MGMT: variants seen among roughly 807,000 people sequenced by gnomAD.
The protein encoded by MGMT is methylated-DNA--protein-cysteine methyltransferase.
A neutral mutation model predicts 15.9 loss-of-function variants in MGMT; 14 were observed. That is an observed-to-expected ratio of 0.88 (90% CI 0.58 to 1.37). The LOEUF (loss-of-function observed/expected upper bound fraction) is 1.37. Ranked by LOEUF, MGMT falls within the 40% of genes most tolerant of loss-of-function variation. MGMT has a pLI of 0.00. For synonymous variants in MGMT, 130 were observed against 118.2 expected (o/e 1.10, Z -0.65); for missense variants, 282 against 268.1 (o/e 1.05, Z -0.36).
chr10:129,612,727 G>A (rs1208628958), intron 2 of MGMT, among the ~76,000 whole-genome samples: 2 of 152,216 alleles, frequency 1.3e-5, no homozygotes, highest in Non-Finnish European at 2.9e-5. Context: ...CTGTTTGATA[G>A]GATGTTACAG....
chr10:129,555,937 G>C (rs1470113494), intron 2 of MGMT, among the ~76,000 whole-genome samples: 1 of 152,108 alleles, frequency 6.6e-6, no homozygotes, highest in Non-Finnish European at 1.5e-5. Context: ...AACCCTGCAG[G>C]CATTCGGAGA....
intron 2 of MGMT, among the ~76,000 whole-genome samples, chr10:129,602,231 TTAATAG>T (rs750791393): frequency 4.7e-4 from 71 of 152,270 alleles, no homozygotes; most frequent in African/African-American, 1.5e-3. Flanking sequence ...GTACAAAATT[TTAATAG>T]TAATAGTGAT....
intron 2 of MGMT, among the ~76,000 whole-genome samples, chr10:129,704,166 T>G (rs1191890736): frequency 6.6e-6 from 1 of 152,032 alleles, no homozygotes. Flanking sequence ...TGAAGGTGTG[T>G]CTCTGAAATT....
intron 1 of MGMT, among the ~76,000 whole-genome samples, chr10:129,500,250 C>T (rs557425453): frequency 3.3e-5 from 5 of 152,316 alleles, no homozygotes; most frequent in East Asian, 3.9e-4. Context: ...GGTTTCCTAC[C>T]GTAGAAGCGT....
intron 3 of MGMT, among the ~76,000 whole-genome samples, chr10:129,728,043 A>C (rs1044317061): frequency 3.3e-5 from 5 of 152,148 alleles, no homozygotes; most frequent in Admixed American, 2.6e-4. Context: ...ACTGGGGGAC[A>C]GTGAGGAGCT....
chr10:129,699,903 C>T (rs1408596025), intron 2 of MGMT, among the ~76,000 whole-genome samples: 2 of 152,046 alleles, frequency 1.3e-5, no homozygotes, highest in Non-Finnish European at 2.9e-5. Context: ...AACAGTCAAT[C>T]AGTAGACTCA....
intron 4 of MGMT, among the ~76,000 whole-genome samples, chr10:129,760,626 C>T (rs980037465): frequency 3.3e-5 from 5 of 152,206 alleles, no homozygotes; most frequent in African/African-American, 4.8e-5. Flanking sequence ...GCAGAGCCTC[C>T]GTTTCTAGGA....
intron 2 of MGMT, among the ~76,000 whole-genome samples, chr10:129,673,234 T>C (rs542574248): frequency 6.6e-6 from 1 of 152,180 alleles, no homozygotes; most frequent in African/African-American, 2.4e-5. Context: ...CGCTGTCTGC[T>C]CTTAGAATAT....
rs557221762 is a variant in MGMT, at chr10:129,646,609, C to T, written c.126-61286C>T. 2.1e-4 allele frequency among the ~76,000 whole-genome samples: 31 copies of T among 150,932 alleles called. No homozygotes were observed. The East Asian group carries it at 5.3e-3, about 26-fold the overall frequency. The stretch of plus-strand genomic sequence containing the variant: ...AGCACCAGAGCTTACCTTAGCTAGA[C>T]GTTTCCATCCCGTGGCAGCTTAACA... On this transcript the variant is annotated intron_variant, in intron 2 of 4. Coordinates refer to ENST00000651593, the MANE Select transcript of MGMT (RefSeq NM_002412.5).
intron 1 of MGMT, among the ~76,000 whole-genome samples, chr10:129,513,954 G>T (rs753609940): frequency 2.4e-4 from 36 of 152,280 alleles, no homozygotes; most frequent in Non-Finnish European, 4.7e-4. Context: ...CTTGCTAATA[G>T]GTTAGGTTCT....
At chr10:129,492,414 G>A (rs188233179) in intron 1 of MGMT, among the ~76,000 whole-genome samples, 30 of 152,144 alleles carry the variant, frequency 2.0e-4, no homozygotes, top group Admixed American at 1.5e-3. Flanking sequence ...CTGTCTTTCC[G>A]CCTACCTTTC....
chr10:129,552,353 A>G (rs574147910), intron 2 of MGMT, among the ~76,000 whole-genome samples: 3 of 152,328 alleles, frequency 2.0e-5, no homozygotes, highest in African/African-American at 7.2e-5. Flanking sequence ...CCAGGTGGTC[A>G]TCCAGGAGGA....
intron 3 of MGMT, among the ~76,000 whole-genome samples, chr10:129,724,072 T>C (rs1036107367): frequency 5.3e-5 from 8 of 152,024 alleles, no homozygotes; most frequent in Non-Finnish European, 1.0e-4. Flanking sequence ...TATTCAAGAG[T>C]GTTCACAGCA....
intron 1 of MGMT, among the ~76,000 whole-genome samples, chr10:129,503,203 T>G (rs1043768764): frequency 5.9e-5 from 9 of 152,182 alleles, no homozygotes; most frequent in Admixed American, 5.9e-4. Flanking sequence ...AAAGTTTCTT[T>G]GGAAGCACTT....
chr10:129,722,153 CTTGAATAATG>C (rs1848379612), intron 3 of MGMT, among the ~76,000 whole-genome samples: 1 of 151,896 alleles, frequency 6.6e-6, no homozygotes, highest in Non-Finnish European at 1.5e-5. Flanking sequence ...CATAGAATAT[CTTGAATAATG>C]TTGAAAATAA....
rs1283155535 is a variant in MGMT, at chr10:129,700,872, C to CA, written c.126-7022dup. On this transcript the variant is annotated intron_variant, in intron 2 of 4. Coordinates refer to ENST00000651593, the MANE Select transcript of MGMT (RefSeq NM_002412.5). ...GATCTCTAAATGGGACATAATTGTG[C>CA]ATTTACCAGTGATATTTAGCAAGAG... 5 of 152,124 alleles carry CA rather than the reference C, an allele frequency of 3.3e-5. No homozygotes were observed. The South Asian group carries it at 8.3e-4, about 25-fold the overall frequency. The allele number at this position is 152,124 out of a possible 1,614,324, so 9.4% of individuals were successfully genotyped here.
intron 3 of MGMT, among the ~76,000 whole-genome samples, chr10:129,726,395 T>C (rs545476987): frequency 3.0e-4 from 45 of 152,246 alleles, no homozygotes; most frequent in Admixed American, 7.2e-4. Flanking sequence ...GTTTTGAAGC[T>C]ACTGTAGTCC....
chr10:129,591,855 C>T (rs1319588180), intron 2 of MGMT, among the ~76,000 whole-genome samples: 4 of 152,216 alleles, frequency 2.6e-5, no homozygotes, highest in Non-Finnish European at 4.4e-5. Flanking sequence ...GGCTTGAACC[C>T]GGGAGGCAGA....
intron 2 of MGMT, among the ~76,000 whole-genome samples, chr10:129,685,911 A>G (rs992944643): frequency 2.0e-5 from 3 of 152,324 alleles, no homozygotes; most frequent in African/African-American, 7.2e-5. Flanking sequence ...GTGCAACTGT[A>G]TTTAATTATT....
Sources: gnomAD v4.1 joint callset for allele counts (sites outside exome capture counted in the v4.1 genomes callset) on GRCh38, gnomAD v4.1.1 for gene constraint, MANE v1.5 for transcripts, NCBI Gene and HGNC (gene_info 2026-07-23, HGNC 2026-07-21) for gene names.